Variants in SSH2 observed in about 807,000 individuals in gnomAD.
The protein encoded by SSH2 is slingshot protein phosphatase 2.
A neutral mutation model predicts 135.2 loss-of-function variants in SSH2; 37 were observed. The ratio of observed to expected loss-of-function variants is 0.27; its 90% CI spans 0.21 to 0.36. The LOEUF (loss-of-function observed/expected upper bound fraction) is 0.36. Among genes scored for constraint, SSH2 ranks in the 10% least tolerant of loss-of-function variants. SSH2 has a pLI of 1.00. For synonymous variants in SSH2, 628 were observed against 646.2 expected (o/e 0.97, Z 0.43); for missense variants, 1,408 against 1,765.3 (o/e 0.80, Z 3.63).
intron 3 of SSH2, among the ~76,000 whole-genome samples, chr17:29,709,451 T>C (rs1442207304): frequency 2.6e-5 from 4 of 151,710 alleles, no homozygotes; most frequent in Non-Finnish European, 5.9e-5. Flanking sequence ...CCAAGGAGGG[T>C]GGATCACTTG....
intron 3 of SSH2, among the ~76,000 whole-genome samples, chr17:29,738,849 C>T (rs961316275): frequency 4.6e-5 from 7 of 152,124 alleles, no homozygotes; most frequent in Non-Finnish European, 1.0e-4. Flanking sequence ...CCACCACGCC[C>T]GGCCTCTGCG....
At chr17:29,819,523 A>T (rs929747985) in intron 2 of SSH2, among the ~76,000 whole-genome samples, 1 of 152,242 alleles carries the variant, frequency 6.6e-6, no homozygotes, top group Non-Finnish European at 1.5e-5. Context: ...TCAAACTATC[A>T]GAGTAAATTG....
At chr17:29,808,150 CG>C in intron 2 of SSH2, among the ~76,000 whole-genome samples, 1 of 152,232 alleles carries the variant, frequency 6.6e-6, no homozygotes, top group South Asian at 2.1e-4. Context: ...GTTTTTGAGA[CG>C]GAGTCTCGCT....
At chr17:29,649,519 T>C (rs1481030292) in intron 13 of SSH2, among the ~76,000 whole-genome samples, 1 of 152,028 alleles carries the variant, frequency 6.6e-6, no homozygotes, top group African/African-American at 2.4e-5. Flanking sequence ...TCCAAGAAGC[T>C]GGTATCACAG....
intron 3 of SSH2, among the ~76,000 whole-genome samples, chr17:29,704,704 TAAA>T (rs773267123): frequency 2.0e-5 from 2 of 98,178 alleles, no homozygotes; most frequent in Non-Finnish European, 2.1e-5. Flanking sequence ...CTCTGTCTCT[TAAA>T]AAAAAAAAAA....
At chr17:29,686,105 C>G (rs946822471) in intron 5 of SSH2, among the ~76,000 whole-genome samples, 2 of 152,044 alleles carry the variant, frequency 1.3e-5, no homozygotes, top group Non-Finnish European at 2.9e-5. Flanking sequence ...ACCTCGGCCT[C>G]ACAAGATGCT....
At chr17:29,641,149 G>C (rs1239020645) in intron 14 of SSH2, among the ~76,000 whole-genome samples, 1 of 152,046 alleles carries the variant, frequency 6.6e-6, no homozygotes, top group Non-Finnish European at 1.5e-5. Flanking sequence ...GACCTCAAGT[G>C]ATCTGCCCGC....
At chr17:29,736,863 G>A (rs992145881) in intron 3 of SSH2, among the ~76,000 whole-genome samples, 3 of 146,032 alleles carry the variant, frequency 2.1e-5, no homozygotes, top group African/African-American at 7.6e-5. Flanking sequence ...ACTTTGGGAG[G>A]TCGAGGCAGG....
intron 3 of SSH2, among the ~76,000 whole-genome samples, chr17:29,733,973 C>G (rs1236259422): frequency 6.9e-6 from 1 of 144,678 alleles, no homozygotes; most frequent in African/African-American, 2.6e-5. Flanking sequence ...TGCAGTGGTG[C>G]GATCTTGGCT....
intron 1 of SSH2, among the ~76,000 whole-genome samples, chr17:29,853,262 T>C (rs922219826): frequency 2.6e-5 from 4 of 151,632 alleles, no homozygotes; most frequent in African/African-American, 9.7e-5. Context: ...AATTTTTTTA[T>C]TTTTAGTAGA....
At chr17:29,678,624 A>G (rs559152040) in intron 6 of SSH2, among the ~76,000 whole-genome samples, 2 of 152,242 alleles carry the variant, frequency 1.3e-5, no homozygotes, top group Admixed American at 1.3e-4. Flanking sequence ...GTGACTGTGC[A>G]CTGAACTAGC....
At chr17:29,736,783 T>G (rs1293723777) in intron 3 of SSH2, among the ~76,000 whole-genome samples, 2 of 29,264 alleles carry the variant, frequency 6.8e-5, no homozygotes, top group African/African-American at 1.4e-4. Context: ...CAAGACTCTG[T>G]CTCAAAAAAA....
chr17:29,820,133 T>C lies in SSH2; in HGVS notation c.145-26196A>G, dbSNP rs1478097430. Among the ~76,000 whole-genome samples the C allele has an allele frequency of 5.3e-5, 8 of 152,300 alleles. No homozygotes were observed. The South Asian group carries it at 1.0e-3, about 20-fold the overall frequency. ...CCTCACATTTTCATACCAGGGAGGA[T>C]GGGCAAATAATTCCAAAGGCACGGT... On this transcript the variant is annotated intron_variant, in intron 2 of 15. Coordinates refer to ENST00000540801, the MANE Select transcript of SSH2 (RefSeq NM_001282129.2).
chr17:29,643,682 C>T (rs1420416506), intron 14 of SSH2, among the ~76,000 whole-genome samples: 1 of 152,004 alleles, frequency 6.6e-6, no homozygotes, highest in Non-Finnish European at 1.5e-5. Context: ...TTAGTAGAGA[C>T]GGGGTTTAGC....
rs978512421 is a variant in SSH2, at chr17:29,632,224, G to C, written c.2970C>G (p.Asp990Glu). The change falls in exon 16 of 16, where the codon GAC (aspartate) becomes GAG (glutamate). Residue 990 changes from aspartate (D) to glutamate (E), a missense_variant. Transcript: ENST00000540801. ...TVPAPRVLEF[D>E]HLPDPQEGPG... ...GGCCCTCCTGAGGATCTGGCAAGTG[G>C]TCAAACTCCAGCACCCTGGGAGCTG... The C allele has an allele frequency of 1.2e-6, 2 of 1,613,732 alleles. No individual in the cohort carries two copies. The highest frequency in any genetic ancestry group is 1.3e-5 in the African/African-American group (1 of 74,838).
At chr17:29,655,643 G>A (rs1310775640) in intron 11 of SSH2, 36 bp from the exon 12 acceptor site, 1 of 1,586,852 alleles carries the variant, frequency 6.3e-7, no homozygotes, top group East Asian at 2.2e-5. Context: ...AGGAGTATTA[G>A]CAAATCAACC....
At chr17:29,655,108 T>C (rs1349024603) in intron 12 of SSH2, among the ~76,000 whole-genome samples, 1 of 152,118 alleles carries the variant, frequency 6.6e-6, no homozygotes, top group African/African-American at 2.4e-5. Flanking sequence ...TGTTTTTCTT[T>C]TTCTTTTTTT....
At chr17:29,836,840 TTACA>T (rs1344263235) in intron 2 of SSH2, among the ~76,000 whole-genome samples, 1 of 152,194 alleles carries the variant, frequency 6.6e-6, no homozygotes, top group African/African-American at 2.4e-5. Context: ...TTTGTTAAAT[TTACA>T]ACTCTCATGA....
chr17:29,851,165 T>C lies in SSH2; in HGVS notation c.64-2236A>G, dbSNP rs2065550764. Among the ~76,000 whole-genome samples, 4 of 152,196 alleles carry C rather than the reference T, an allele frequency of 2.6e-5. No homozygotes were observed. The South Asian group carries it at 8.3e-4, about 32-fold the overall frequency. On this transcript the variant is annotated intron_variant, in intron 1 of 15. Transcript: ENST00000540801. ...ACTCGTATTAGGAAAGCTAAAGGCT[T>C]AATAATAAATATTTGAAAGAATTAA... is the stretch of plus-strand genomic sequence containing the variant.
Sources: gnomAD v4.1 joint callset for allele counts (sites outside exome capture counted in the v4.1 genomes callset) on GRCh38, gnomAD v4.1.1 for gene constraint, MANE v1.5 for transcripts, NCBI Gene and HGNC (gene_info 2026-07-23, HGNC 2026-07-21) for gene names.